CD40LG: variants seen among roughly 807,000 people sequenced by gnomAD.
The protein encoded by CD40LG is CD40 ligand, also known as CD40 antigen ligand.
Under a neutral mutation model 17.2 loss-of-function variants are expected in CD40LG, and 1 was observed. The ratio of observed to expected loss-of-function variants is 0.06; its 90% CI spans 0.02 to 0.28. The LOEUF (loss-of-function observed/expected upper bound fraction) is 0.28. Ranked by LOEUF, CD40LG falls within the 10% of genes least tolerant of loss-of-function variation. CD40LG has a pLI of 1.00. For missense variants in CD40LG, 133 were observed against 193.2 expected, an observed-to-expected ratio of 0.69 and a Z score of 1.85; for synonymous variants, 66 against 74.4, an observed-to-expected ratio of 0.89 and a Z score of 0.58.
chrX:136,657,578 G>T (rs1388885486), intron 4 of CD40LG, among the ~76,000 whole-genome samples: 1 of 111,703 alleles, frequency 9.0e-6, no homozygotes, highest in Non-Finnish European at 1.9e-5. Flanking sequence ...TGTCAAAAGG[G>T]TGACATAAAG....
At chrX:136,656,493 T>A (rs2076119586) in intron 4 of CD40LG, 75 bp downstream of exon 4, 1 of 853,265 alleles carries the variant, frequency 1.2e-6, no homozygotes, top group Admixed American at 2.2e-5. Flanking sequence ...TACCTAATGG[T>A]TAAACTCCTC....
rs2076113366 is a variant in CD40LG at position 136,654,428 on chromosome X, A to G, written c.344A>G (p.Lys115Arg). Residue 115 changes from lysine to arginine, a missense_variant and splice_region_variant, in exon 3 of 5, where the codon AAA becomes AGA. Physicochemically the swap from Lys to Arg is conservative, Grantham distance 26. Coordinates refer to ENST00000370629, the MANE Select transcript of CD40LG (RefSeq NM_000074.3). ...AAAGAAAACAGCTTTGAAATGCAAA[A>G]AGGTAGGTTTGCTATTTGCTAATTT... is the stretch of plus-strand genomic sequence containing the variant. ...TKKENSFEMQ[K>R]GDQNPQIAAH... 8.4e-7 allele frequency: 1 copy of G among 1,185,179 alleles called. No homozygotes were observed. The highest frequency in any genetic ancestry group is 1.1e-6 in the Non-Finnish European group (1 of 871,273).
intron 1 of CD40LG, 55 bp downstream of exon 1, chrX:136,648,459 A>G: frequency 9.3e-7 from 1 of 1,075,329 alleles, no homozygotes; most frequent in Admixed American, 2.2e-5. Flanking sequence ...ACTAATTCAT[A>G]GGTTGGTTCT....
chrX:136,648,874 A>G (rs926267753), intron 1 of CD40LG, among the ~76,000 whole-genome samples: 1 of 111,983 alleles, frequency 8.9e-6, no homozygotes, highest in Non-Finnish European at 1.9e-5. Flanking sequence ...AAGAGCGTCA[A>G]TTTGATCTAA....
chrX:136,655,885 G>C (rs1274243201), intron 3 of CD40LG, among the ~76,000 whole-genome samples: 2 of 112,330 alleles, frequency 1.8e-5, no homozygotes, highest in African/African-American at 6.5e-5. Flanking sequence ...TCTGCCCTTA[G>C]AAGATTGACA....
At chrX:136,654,747 A>G (rs2076114192) in intron 3 of CD40LG, among the ~76,000 whole-genome samples, 2 of 112,312 alleles carry the variant, frequency 1.8e-5, no homozygotes, top group Admixed American at 1.9e-4. Flanking sequence ...AGAAGACAGG[A>G]AAGTCATCAT....
At position 136,648,297 on chromosome X, in the gene CD40LG, C is replaced by A. The variant is rs1359082888; in HGVS notation, c.49C>A (p.Leu17Met). Residue 17 changes from leucine (L) to methionine (M), a missense_variant, in exon 1 of 5, where the codon CTG becomes ATG. By Grantham distance (15) the Leu-to-Met change is conservative. Transcript: ENST00000370629. ...QTSPRSAATG[L>M]PISMKIFMYL... ...TTCTCCCCGATCTGCGGCCACTGGA[C>A]TGCCCATCAGCATGAAAATTTTTAT... 2 of 1,198,222 alleles carry A rather than the reference C, an allele frequency of 1.7e-6. No homozygotes were observed. The highest frequency in any genetic ancestry group is 3.5e-5 in the African/African-American group (2 of 56,877).
chrX:136,654,471 C>G (rs1191593684), intron 3 of CD40LG, 41 bp downstream of exon 3: 12 of 986,215 alleles, frequency 1.2e-5, no homozygotes, highest in Non-Finnish European at 1.7e-5. Flanking sequence ...TGCCTAAAAA[C>G]TAAAAGGAAG....
intron 3 of CD40LG, among the ~76,000 whole-genome samples, chrX:136,654,956 A>G (rs2076114879): frequency 9.0e-6 from 1 of 110,992 alleles, no homozygotes; most frequent in Non-Finnish European, 1.9e-5. Flanking sequence ...CCCACAACAA[A>G]AATCTCCTTC....
At chrX:136,655,519 C>T (rs1350092586) in intron 3 of CD40LG, among the ~76,000 whole-genome samples, 1 of 111,868 alleles carries the variant, frequency 8.9e-6, no homozygotes, top group East Asian at 2.8e-4. Context: ...AAATTTAATA[C>T]ACACAAAAAC....
intron 2 of CD40LG, among the ~76,000 whole-genome samples, chrX:136,653,265 C>T (rs1055536540): frequency 2.7e-5 from 3 of 112,261 alleles, no homozygotes; most frequent in Non-Finnish European, 5.6e-5. Context: ...GCTCAGGTTC[C>T]CCTGGAGGCT....
chrX:136,659,774 A>G lies in CD40LG; in HGVS notation c.*359A>G, dbSNP rs1220237195. The G allele has an allele frequency of 1.4e-5, 3 of 214,010 alleles. No individual in the cohort carries two copies. The East Asian group carries it at 3.1e-4, about 22-fold the overall frequency. The allele number at this position is 214,010 out of a possible 1,213,427, so 17.6% of individuals were successfully genotyped here. On this transcript the variant is annotated 3_prime_UTR_variant, in exon 5 of 5. Coordinates refer to ENST00000370629, the MANE Select transcript of CD40LG (RefSeq NM_000074.3). ...GTTTCTTTGCGTGCAGTGTCTTTCC[A>G]TGGATAATGCATTTGATTTATCAGT...
intron 2 of CD40LG, 120 bp from the exon 3 acceptor site, chrX:136,654,253 A>G (rs1167353678): frequency 3.5e-6 from 2 of 571,484 alleles, no homozygotes; most frequent in Non-Finnish European, 6.1e-6. Flanking sequence ...CTGAGTCTAT[A>G]TGATAATCCT....
chrX:136,659,500 C>G lies in CD40LG; in HGVS notation c.*85C>G. The stretch of plus-strand genomic sequence containing the variant: ...AGCGGTTAAGCCCACCCCCTGTTAA[C>G]TGCCTATTTATAACCCTAGGATCCT... On this transcript the variant is annotated 3_prime_UTR_variant, in exon 5 of 5. Transcript: ENST00000370629. The G allele has an allele frequency of 1.0e-6, 1 of 977,637 alleles. No homozygotes were observed. The highest frequency in any genetic ancestry group is 1.9e-5 in the African/African-American group (1 of 53,449). The allele number at this position is 977,637 out of a possible 1,213,427, so 80.6% of individuals were successfully genotyped here. A position where few individuals can be genotyped will look rare whatever the true frequency, so the allele number is the denominator to read the frequency against.
At chrX:136,648,647 A>G (rs1157854824) in intron 1 of CD40LG, among the ~76,000 whole-genome samples, 1 of 111,813 alleles carries the variant, frequency 8.9e-6, no homozygotes, top group Non-Finnish European at 1.9e-5. Context: ...ATCCTGGGGC[A>G]AGTGCCTCAG....
intron 1 of CD40LG, 113 bp from the exon 2 acceptor site, chrX:136,650,153 T>A: frequency 1.9e-6 from 1 of 536,339 alleles, no homozygotes; most frequent in Non-Finnish European, 3.3e-6. Context: ...TCTCCATTTA[T>A]GCCTGAAAGT....
chrX:136,656,303 T>G, intron 3 of CD40LG, 53 bp from the exon 4 acceptor site: 1 of 936,347 alleles, frequency 1.1e-6, no homozygotes, highest in Non-Finnish European at 1.6e-6. Context: ...CCAGATAGTT[T>G]TGTGGGCAGT....
At chrX:136,652,775 T>C (rs770508599) in intron 2 of CD40LG, among the ~76,000 whole-genome samples, 12 of 111,882 alleles carry the variant, frequency 1.1e-4, no homozygotes, top group Admixed American at 2.8e-4. Context: ...CATGATTATT[T>C]GCCCACCAAT....
chrX:136,654,881 G>C (rs1322890163), intron 3 of CD40LG, among the ~76,000 whole-genome samples: 4 of 111,169 alleles, frequency 3.6e-5, no homozygotes, highest in East Asian at 5.6e-4. Flanking sequence ...GGTTCTTAAA[G>C]TGAGAGCATC....
Sources: gnomAD v4.1 joint callset for allele counts (sites outside exome capture counted in the v4.1 genomes callset) on GRCh38, gnomAD v4.1.1 for gene constraint, MANE v1.5 for transcripts, NCBI Gene and HGNC (gene_info 2026-07-23, HGNC 2026-07-21) for gene names.